Variants in ZNF43 observed in about 807,000 individuals in gnomAD.
The protein encoded by ZNF43 is zinc finger protein 39-like 1 (KOX 27).
A neutral mutation model predicts 68.4 loss-of-function variants in ZNF43; 44 were observed. The observed-to-expected ratio is 0.64, with a 90% CI of 0.51 to 0.83. ZNF43 has a LOEUF of 0.83. Ranked by LOEUF, ZNF43 falls within the 40% of genes least tolerant of loss-of-function variation. The pLI, the probability that ZNF43 is intolerant of heterozygous loss-of-function variation, is 0.00. For missense variants in ZNF43, 896 were observed against 933.2 expected (o/e 0.96, Z 0.52); for synonymous variants, 308 against 307.8 (o/e 1.00, Z -0.01).
In ZNF43 at chr19:21,816,131, G is replaced by A. The variant is rs143377241; in HGVS notation, c.229+1757C>T. Among the ~76,000 whole-genome samples, 290 of 151,976 alleles carry A rather than the reference G, an allele frequency of 1.9e-3. 1 individual carries two copies. The highest frequency in any genetic ancestry group is 0.014 in the Middle Eastern group (4 of 294). On this transcript the variant is annotated intron_variant, in intron 3 of 3. Transcript: ENST00000354959. ...ATAGGGAGAGTGACAACAGTAAGAT[G>A]GAAAAATAAAAGGTGCCCTACTTGC...
chr19:21,813,033 A>G (rs955956531), intron 3 of ZNF43, among the ~76,000 whole-genome samples: 21 of 152,110 alleles, frequency 1.4e-4, no homozygotes, highest in Admixed American at 5.9e-4. Flanking sequence ...GCCTGAGGTC[A>G]TAAGTTCGAG....
intron 3 of ZNF43, among the ~76,000 whole-genome samples, chr19:21,813,140 G>C (rs1355713378): frequency 1.3e-5 from 2 of 151,836 alleles, no homozygotes; most frequent in Non-Finnish European, 2.9e-5. Flanking sequence ...TACTCAGGAA[G>C]CTGAGGCAGA....
At chr19:21,823,033 C>T (rs1244372156) in intron 1 of ZNF43, among the ~76,000 whole-genome samples, 1 of 152,078 alleles carries the variant, frequency 6.6e-6, no homozygotes, top group Non-Finnish European at 1.5e-5. Context: ...GTATTCTTAG[C>T]AAGGTAAGAT....
At chr19:21,838,124 T>C (rs1208098811), upstream of ZNF43, 1 of 152,156 alleles carries the variant, frequency 6.6e-6, no homozygotes, top group African/African-American at 2.4e-5. Flanking sequence ...TGTCTGTCTT[T>C]GGTTCTCAAG....
At chr19:21,830,679 A>AT (rs2038385558) in intron 1 of ZNF43, among the ~76,000 whole-genome samples, 1 of 147,274 alleles carries the variant, frequency 6.8e-6, no homozygotes, top group South Asian at 2.2e-4. Flanking sequence ...TACCAGATGT[A>AT]CAAAAAAAAA....
chr19:21,808,114 C>G lies in ZNF43; in HGVS notation c.1923G>C (p.Lys641Asn), dbSNP rs144618406. ...FNQFSTLTKH[K>N]IIHTEEKPYK... ...AGGGTTTCTCCTCAGTGTGAATTAT[C>G]TTATGTTTAGTAAGAGTTGAGAACT... The change falls in exon 4 of 4, where the codon AAG becomes AAC. Residue 641 changes from lysine (K) to asparagine (N), a missense_variant. Transcript: ENST00000354959. The G allele has an allele frequency of 1.9e-4, 307 of 1,612,742 alleles. No homozygotes were observed. In the African/African-American group the frequency reaches 2.0e-3, roughly 10 times the overall value.
chr19:21,823,887 G>C (rs950410869), intron 1 of ZNF43, among the ~76,000 whole-genome samples: 17 of 152,032 alleles, frequency 1.1e-4, no homozygotes, highest in Admixed American at 8.5e-4. Flanking sequence ...ATTCTAAATA[G>C]AAAATAGAAC....
upstream of ZNF43, among the ~76,000 whole-genome samples, chr19:21,837,449 G>A (rs28480566): frequency 0.21 from 26,514 of 128,526 alleles, 2,969 homozygotes; most frequent in South Asian, 0.26. Flanking sequence ...TTTTGAGACG[G>A]AGTCTTGCTC....
chr19:21,836,347 A>G, upstream of ZNF43: 1 of 1,010,538 alleles, frequency 9.9e-7, no homozygotes, highest in Non-Finnish European at 1.3e-6. Flanking sequence ...AGAAAGAATG[A>G]CAGCCTAGGC....
Position 21,814,450 on chromosome 19 carries a change from G to A in ZNF43, c.229+3438C>T, listed in dbSNP as rs192363895. ...TTCTGAGATGGAGTCTTGCTCTGTC[G>A]CCCAGGCTGGAGTGCAACGGCACGA... On this transcript the variant is annotated intron_variant, in intron 3 of 3. Coordinates refer to ENST00000354959, the MANE Select transcript of ZNF43 (RefSeq NM_003423.4). Among the ~76,000 whole-genome samples the A allele has an allele frequency of 3.4e-3, 498 of 147,742 alleles. 2 individuals are homozygous for A. Among genetic ancestry groups the A allele is most frequent in the African/African-American group, 0.012 (476 of 39,938 alleles).
At chr19:21,813,707 G>A (rs114296854) in intron 3 of ZNF43, among the ~76,000 whole-genome samples, 1 of 152,074 alleles carries the variant, frequency 6.6e-6, no homozygotes, top group African/African-American at 2.4e-5. Context: ...TTTCACAGGT[G>A]TAAAATTTCT....
chr19:21,830,778 C>T (rs1227576476), intron 1 of ZNF43, among the ~76,000 whole-genome samples: 10 of 150,680 alleles, frequency 6.6e-5, no homozygotes, highest in African/African-American at 1.9e-4. Context: ...TATTCTGATA[C>T]CAAAACCTGG....
chr19:21,842,086 C>G (rs2145393277), intron 1 of ZNF43, among the ~76,000 whole-genome samples: 1 of 152,170 alleles, frequency 6.6e-6, no homozygotes, highest in African/African-American at 2.4e-5. Flanking sequence ...AGAGGAGAGT[C>G]ACATCACCAA....
In ZNF43 at chr19:21,809,764, A is replaced by G. The variant is rs776723124; in HGVS notation, c.273T>C (p.His91=). 1.9e-6 allele frequency: 3 copies of G among 1,595,786 alleles called. No homozygotes were observed. The highest frequency in any genetic ancestry group is 2.6e-6 in the Non-Finnish European group (3 of 1,174,556). The change falls in exon 4 of 4, where the codon CAT becomes CAC. Residue 91 remains histidine (H), a synonymous_variant. Transcript: ENST00000354959. ...HFTQDFWPEQ[H]IKDPFQKATL... The stretch of plus-strand genomic sequence containing the variant: ...TCGCTTTTTGGAAAGGATCTTTTAT[A>G]TGCTGCTCTGGCCAAAAGTCTTGGG...
chr19:21,808,270 A>G lies in ZNF43; in HGVS notation c.1767T>C (p.Thr589=). The G allele has an allele frequency of 6.2e-7, 1 of 1,613,640 alleles. No individual in the cohort carries two copies. Among genetic ancestry groups the G allele is most frequent in the African/African-American group, 1.3e-5 (1 of 75,036 alleles). ...CTTCACATTTGTAGAATTTCTCTCC[A>G]GTATGAATTTTCTTATGTGTAGTAA... ...SNLTTHKKIH[T]GEKFYKCEEC... The change falls in exon 4 of 4, where the codon ACT becomes ACC. Residue 589 remains threonine, a synonymous_variant. Coordinates refer to ENST00000354959, the MANE Select transcript of ZNF43 (RefSeq NM_003423.4).
chr19:21,811,991 T>C (rs1161303559), intron 3 of ZNF43: 5 of 398,342 alleles, frequency 1.3e-5, no homozygotes, highest in Non-Finnish European at 2.2e-5. Context: ...ACAGAAAAAT[T>C]TAACTACACT....
At chr19:21,849,624 A>G (rs1968204980) in intron 1 of ZNF43, among the ~76,000 whole-genome samples, 1 of 151,308 alleles carries the variant, frequency 6.6e-6, no homozygotes. Flanking sequence ...AGCCTGGCCA[A>G]CATGGCAAAA....
chr19:21,822,383 A>T (rs2037895623), intron 1 of ZNF43, among the ~76,000 whole-genome samples: 1 of 151,542 alleles, frequency 6.6e-6, no homozygotes, highest in South Asian at 2.1e-4. Context: ...TAATTAAAAC[A>T]ACATGGATGC....
chr19:21,808,596 GTT>G lies in ZNF43; in HGVS notation c.1439_1440del (p.Lys480ThrfsTer5), dbSNP rs1258317934. The G allele has an allele frequency of 6.2e-7, 1 of 1,613,044 alleles. No individual in the cohort carries two copies. Among genetic ancestry groups the G allele is most frequent in the Non-Finnish European group, 8.5e-7 (1 of 1,179,788 alleles). ...TTHKRIHTAE[K>X]PYKCEECGKA... Reference sequence around the variant, plus strand: ...TTGCCACATTCTTCACATTTGTACGGTTTTTCTGCAGTATGAATTCTCTTATG... The same window carrying G: ...TTGCCACATTCTTCACATTTGTACGGTTTCTGCAGTATGAATTCTCTTATG... On this transcript the variant is annotated frameshift_variant, in exon 4 of 4. Coordinates refer to ENST00000354959, the MANE Select transcript of ZNF43 (RefSeq NM_003423.4). LOFTEE classifies it high-confidence loss of function.
Sources: allele counts gnomAD v4.1 joint callset (sites outside exome capture counted in the v4.1 genomes callset), GRCh38; gene constraint gnomAD v4.1.1; transcripts MANE v1.5; gene names NCBI Gene and HGNC (gene_info 2026-07-23, HGNC 2026-07-21).